SYNGR1: variants seen among roughly 807,000 people sequenced by gnomAD.
The protein encoded by SYNGR1 is synaptogyrin 1.
A neutral mutation model predicts 26.1 loss-of-function variants in SYNGR1; 14 were observed. The ratio of observed to expected loss-of-function variants is 0.54; its 90% CI spans 0.35 to 0.84. SYNGR1 has a LOEUF of 0.84. Ranked by LOEUF, SYNGR1 falls within the 40% of genes least tolerant of loss-of-function variation. SYNGR1 has a pLI of 0.01. For missense variants in SYNGR1, 319 were observed against 332.9 expected (o/e 0.96, Z 0.33); for synonymous variants, 141 against 150.1 (o/e 0.94, Z 0.44).
chr22:39,377,146 A>G, intron 3 of SYNGR1: 36 of 1,490,778 alleles, frequency 2.4e-5, no homozygotes, highest in Non-Finnish European at 3.1e-5. Flanking sequence ...GGCTACATAC[A>G]GGCCGCCAGC....
At chr22:39,353,325 G>T (rs377506279) in intron 1 of SYNGR1, among the ~76,000 whole-genome samples, 20 of 152,246 alleles carry the variant, frequency 1.3e-4, no homozygotes, top group African/African-American at 4.1e-4. Context: ...CAGAAGCAGG[G>T]CCTCCAAGAC....
At chr22:39,358,587 T>G (rs1290353141) in intron 1 of SYNGR1, among the ~76,000 whole-genome samples, 1 of 151,490 alleles carries the variant, frequency 6.6e-6, no homozygotes, top group African/African-American at 2.4e-5. Context: ...TTAAGAGCTG[T>G]AACACTCACC....
chr22:39,356,562 G>GA (rs1924152978), intron 1 of SYNGR1, among the ~76,000 whole-genome samples: 1 of 152,098 alleles, frequency 6.6e-6, no homozygotes, highest in Non-Finnish European at 1.5e-5. Context: ...GCCCCAGGGA[G>GA]AAAAAACAGA....
intron 1 of SYNGR1, among the ~76,000 whole-genome samples, chr22:39,371,611 CG>C (rs1925022693): frequency 6.6e-6 from 1 of 151,332 alleles, no homozygotes; most frequent in Admixed American, 6.6e-5. Flanking sequence ...ACAAACATGA[CG>C]AAACTCCATC....
intron 1 of SYNGR1, among the ~76,000 whole-genome samples, chr22:39,359,187 T>C (rs1463020953): frequency 6.6e-6 from 1 of 152,120 alleles, no homozygotes; most frequent in African/African-American, 2.4e-5. Context: ...CTCTGCTGGG[T>C]GTAGAGGTCG....
intron 1 of SYNGR1, among the ~76,000 whole-genome samples, chr22:39,366,917 G>A (rs534824124): frequency 1.3e-5 from 2 of 152,086 alleles, no homozygotes; most frequent in African/African-American, 4.8e-5. Context: ...CGCCAGCCTC[G>A]CCTCTTGGTG....
intron 1 of SYNGR1, among the ~76,000 whole-genome samples, chr22:39,366,224 A>G (rs1569178775): frequency 6.6e-6 from 1 of 150,664 alleles, no homozygotes; most frequent in African/African-American, 2.4e-5. Flanking sequence ...CTCACCCTCA[A>G]GTGATCCACC....
At position 39,382,378 on chromosome 22, in the gene SYNGR1, A is replaced by C; in HGVS notation, c.*464A>C. 4.4e-6 allele frequency: 1 copy of C among 226,892 alleles called. No individual in the cohort carries two copies. Among genetic ancestry groups the C allele is most frequent in the Non-Finnish European group, 8.9e-6 (1 of 111,788 alleles). The allele number at this position is 226,892 out of a possible 1,614,324, so 14.1% of individuals were successfully genotyped here. ...GTGGCTTGGTCATAGGGTGAGTGTA[A>C]ACACCCACAGGACACTGGGGGCTGT... On this transcript the variant is annotated 3_prime_UTR_variant, in exon 4 of 4. Coordinates refer to ENST00000328933, the MANE Select transcript of SYNGR1 (RefSeq NM_004711.5).
At chr22:39,372,678 A>G (rs1925083773) in intron 1 of SYNGR1, among the ~76,000 whole-genome samples, 1 of 151,196 alleles carries the variant, frequency 6.6e-6, no homozygotes, top group Non-Finnish European at 1.5e-5. Flanking sequence ...CATGTTGGCT[A>G]GGCTGGTCCC....
At chr22:39,376,925 A>G (rs1041927976) in intron 3 of SYNGR1, 1 of 1,542,530 alleles carries the variant, frequency 6.5e-7, no homozygotes, top group Non-Finnish European at 8.7e-7. Context: ...CTCTGGGCCC[A>G]GCAGGCCCTG....
intron 1 of SYNGR1, chr22:39,364,160 C>G: frequency 6.2e-7 from 1 of 1,611,482 alleles, no homozygotes. Flanking sequence ...CTGCGGGACA[C>G]GGCTCAGGAC....
At chr22:39,353,703 C>A (rs896895230) in intron 1 of SYNGR1, among the ~76,000 whole-genome samples, 1 of 152,194 alleles carries the variant, frequency 6.6e-6, no homozygotes, top group Non-Finnish European at 1.5e-5. Flanking sequence ...TGACTCATTT[C>A]TTTGTTCTAA....
chr22:39,372,817 A>G (rs914920725), intron 1 of SYNGR1, among the ~76,000 whole-genome samples: 7 of 152,012 alleles, frequency 4.6e-5, no homozygotes, highest in East Asian at 1.9e-4. Context: ...GCAGGATTCA[A>G]TTACTTGTGG....
chr22:39,373,565 C>A (rs556394985), intron 1 of SYNGR1, among the ~76,000 whole-genome samples: 1 of 152,184 alleles, frequency 6.6e-6, no homozygotes, highest in Non-Finnish European at 1.5e-5. Context: ...TCACTACAAC[C>A]TCCACCTCCT....
intron 2 of SYNGR1, 83 bp from the exon 3 acceptor site, chr22:39,375,969 C>T: frequency 6.3e-7 from 1 of 1,578,390 alleles, no homozygotes; most frequent in African/African-American, 1.3e-5. Context: ...TCCCTCTGTT[C>T]CTCGGCTTCC....
At chr22:39,380,616 CTTTTTTTTTTTTTTT>C (rs58877789) in intron 3 of SYNGR1, among the ~76,000 whole-genome samples, 2 of 69,976 alleles carry the variant, frequency 2.9e-5, no homozygotes, top group African/African-American at 1.4e-4. Context: ...CCAAGCTGGC[CTTTTTTTTTTTTTTT>C]TTTTTTTTTG....
intron 1 of SYNGR1, among the ~76,000 whole-genome samples, chr22:39,358,396 C>T (rs1051794076): frequency 3.3e-5 from 5 of 152,236 alleles, no homozygotes; most frequent in African/African-American, 9.6e-5. Context: ...CATTGGCAAC[C>T]TGCTCAGTTC....
At chr22:39,369,278 C>T (rs112616280) in intron 1 of SYNGR1, among the ~76,000 whole-genome samples, 3 of 152,146 alleles carry the variant, frequency 2.0e-5, no homozygotes, top group African/African-American at 7.2e-5. Flanking sequence ...GTCCACGGCC[C>T]AAGCAGCTGG....
At chr22:39,352,634 C>T (rs996325822) in intron 1 of SYNGR1, among the ~76,000 whole-genome samples, 7 of 152,162 alleles carry the variant, frequency 4.6e-5, no homozygotes, top group African/African-American at 1.7e-4. Flanking sequence ...CAGCTGGCGC[C>T]TGCTCTTGGC....
Sources: allele counts gnomAD v4.1 joint callset (sites outside exome capture counted in the v4.1 genomes callset), GRCh38; gene constraint gnomAD v4.1.1; transcripts MANE v1.5; gene names NCBI Gene and HGNC (gene_info 2026-07-23, HGNC 2026-07-21).